SRCAP: variants seen among roughly 807,000 people sequenced by gnomAD.
SRCAP encodes Snf2 related CREBBP activator protein.
In SRCAP, 46 loss-of-function variants were observed where a neutral mutation model predicts 263.1. That is an observed-to-expected ratio of 0.17 (90% CI 0.14 to 0.22). The LOEUF (loss-of-function observed/expected upper bound fraction) is 0.22, where lower values mean the gene tolerates loss of function less well. Among genes scored for constraint, SRCAP ranks in the 10% least tolerant of loss-of-function variants. The probability of loss-of-function intolerance (pLI) is 1.00; values close to 1 mark genes in which losing one functional copy is unlikely to be tolerated. For synonymous variants in SRCAP, 1,813 were observed against 1,662.1 expected (o/e 1.09, Z -2.21); for missense variants, 3,695 against 4,181.9 (o/e 0.88, Z 3.21).
Position 30,733,321 on chromosome 16 carries a change from G to T in SRCAP, c.6169G>T (p.Ala2057Ser). The T allele has an allele frequency of 6.2e-7, 1 of 1,614,086 alleles. No homozygotes were observed. Among genetic ancestry groups the T allele is most frequent in the Non-Finnish European group, 8.5e-7 (1 of 1,180,012 alleles). ...GGCAGTGCTGTTGCGGCAGCTCAAG[G>T]CAGAGGGCCACCGAGTGCTCATCTT... ...TLAVLLRQLK[A>S]EGHRVLIFTQ... Residue 2057 changes from alanine to serine, a missense_variant, in exon 28 of 34, where the codon GCA becomes TCA. By Grantham distance (99) the Ala-to-Ser change is moderately conservative (BLOSUM62 1). Coordinates refer to ENST00000262518, the MANE Select transcript of SRCAP (RefSeq NM_006662.3). The surrounding 1 kb of genome is among the most constrained non-coding windows in gnomAD (Gnocchi z 5.3).
rs2053090611 is a variant in SRCAP at position 30,729,200 on chromosome 16, CG to C, written c.5894del (p.Arg1965HisfsTer2). The C allele has an allele frequency of 1.2e-6, 2 of 1,610,608 alleles. No individual in the cohort carries two copies. ...CCGGGCTGTACTGTTTCCCCAGCAGCGACTAGACCAGCTGTCAGAAATCATT... is the reference window on the plus strand; with the variant it reads ...CCGGGCTGTACTGTTTCCCCAGCAGCACTAGACCAGCTGTCAGAAATCATT... ...AHRAVLFPQQ[R>X]LDQLSEIIER... is the part of the protein sequence containing the mutation. On this transcript the variant is annotated frameshift_variant, in exon 26 of 34. Transcript: ENST00000262518. LOFTEE classifies it high-confidence loss of function.
intron 10 of SRCAP, 78 bp from the exon 11 acceptor site, chr16:30,711,493 T>G: frequency 7.0e-7 from 1 of 1,437,902 alleles, no homozygotes; most frequent in Non-Finnish European, 9.4e-7. Context: ...GAGACCTAGG[T>G]AAAATTAACT....
At chr16:30,718,990 G>A (rs1017475038) in intron 18 of SRCAP, among the ~76,000 whole-genome samples, 2 of 150,844 alleles carry the variant, frequency 1.3e-5, no homozygotes, top group Non-Finnish European at 2.9e-5. Context: ...TCTGCGTCTT[G>A]GGTTCAAGCG....
In SRCAP at chr16:30,737,956, G is replaced by A. The variant is rs994585619; in HGVS notation, c.7916G>A (p.Gly2639Asp). 5.6e-6 allele frequency: 9 copies of A among 1,614,062 alleles called. No homozygotes were observed. The highest frequency in any genetic ancestry group is 7.6e-6 in the Non-Finnish European group (9 of 1,180,050). The part of the protein sequence containing the change: ...EGTTLTVLPE[G>D]EELPLCVSES... ...ACCACCCTTACAGTGCTGCCTGAAG[G>A]TGAGGAGTTGCCCCTGTGTGTGAGT... is the stretch of plus-strand genomic sequence containing the variant. Residue 2639 changes from glycine to aspartate, a missense_variant, in exon 34 of 34, where the codon GGT (glycine) becomes GAT (aspartate). Gly to Asp is a moderately conservative substitution (Grantham distance 94). Coordinates refer to ENST00000262518, the MANE Select transcript of SRCAP (RefSeq NM_006662.3).
intron 25 of SRCAP, 98 bp downstream of exon 25, chr16:30,725,180 T>C: frequency 1.8e-5 from 27 of 1,504,036 alleles, no homozygotes; most frequent in Non-Finnish European, 2.3e-5. Flanking sequence ...CCTGGTGAAT[T>C]ACAAAGCTTA....
At chr16:30,720,420 G>A (rs2053000190) in intron 19 of SRCAP, 89 bp downstream of exon 19, 1 of 1,444,160 alleles carries the variant, frequency 6.9e-7, no homozygotes. Flanking sequence ...AAAAGAGTTG[G>A]ATGCAAGGCT....
intron 19 of SRCAP, 90 bp from the exon 20 acceptor site, chr16:30,720,623 G>A (rs2053001979): frequency 4.3e-6 from 6 of 1,389,200 alleles, no homozygotes; most frequent in Admixed American, 4.7e-5. Context: ...TTTATAATCT[G>A]TCTCTCTGTT....
chr16:30,733,619 C>T lies in SRCAP; in HGVS notation c.6315C>T (p.Phe2105=), dbSNP rs1306152216. 2 of 1,613,818 alleles carry T rather than the reference C, an allele frequency of 1.2e-6. No individual in the cohort carries two copies. The highest frequency in any genetic ancestry group is 1.3e-5 in the African/African-American group (1 of 75,012). The change falls in exon 29 of 34, where the codon TTC becomes TTT. Residue 2105 remains phenylalanine (F), a synonymous_variant. Coordinates refer to ENST00000262518, the MANE Select transcript of SRCAP (RefSeq NM_006662.3). The surrounding 1 kb of genome is among the most constrained non-coding windows in gnomAD (Gnocchi z 5.3). ...VEQRQALMER[F]NADKRIFCFI... ...CCTTCTAGGCCTTGATGGAACGGTTCAATGCAGACAAACGCATATTCTGCT... is the reference window on the plus strand; with the variant it reads ...CCTTCTAGGCCTTGATGGAACGGTTTAATGCAGACAAACGCATATTCTGCT...
chr16:30,733,533 C>A lies in SRCAP; in HGVS notation c.6298-69C>A. The A allele has an allele frequency of 6.2e-7, 1 of 1,604,654 alleles. No individual in the cohort carries two copies. Among genetic ancestry groups the A allele is most frequent in the Non-Finnish European group, 8.5e-7 (1 of 1,174,110 alleles). On this transcript the variant is annotated intron_variant, in intron 28 of 33. Coordinates refer to ENST00000262518, the MANE Select transcript of SRCAP (RefSeq NM_006662.3). This position sits in a 1 kb window ranked among gnomAD's most constrained non-coding sequence, Gnocchi z 5.3. The stretch of plus-strand genomic sequence containing the variant: ...GGATTTGGGCTTCCAGACGGGGTGC[C>A]ACTAAGCCTTTAGACCTGTTTTGGG...
In SRCAP at chr16:30,736,272, C is replaced by T; in HGVS notation, c.6802C>T (p.Leu2268Phe). ...GGCCAAGGCTGAACAGGTGGCTGAG[C>T]TTGCAGAATTTAATGAGAACGATGG... The part of the protein sequence containing the change: ...TQAKAEQVAE[L>F]AEFNENDGFP... The change falls in exon 32 of 34, where the codon CTT becomes TTT. Residue 2268 changes from leucine (L) to phenylalanine (F), a missense_variant. Around this residue, in one of 12 missense-constraint regions of SRCAP, gnomAD observed 91 missense variants for 150.6 expected, o/e 0.60. Transcript: ENST00000262518. 6.2e-7 allele frequency: 1 copy of T among 1,614,148 alleles called. No homozygotes were observed. Among genetic ancestry groups the T allele is most frequent in the Non-Finnish European group, 8.5e-7 (1 of 1,180,034 alleles).
In SRCAP at chr16:30,713,216, C is replaced by T; in HGVS notation, c.2139C>T (p.Thr713=). 3.7e-6 allele frequency: 6 copies of T among 1,614,046 alleles called. No individual in the cohort carries two copies. The highest frequency in any genetic ancestry group is 5.1e-6 in the Non-Finnish European group (6 of 1,180,022). Residue 713 remains threonine (T), a synonymous_variant, in exon 15 of 34, where the codon ACC becomes ACT. Transcript: ENST00000262518. The stretch of plus-strand genomic sequence containing the variant: ...TGTCTTTGATCCCTCAGGGCTGGAC[C>T]AAGCCCAATGCCTTTCATGTGTGTA... ...KERKLKRQGW[T]KPNAFHVCIT... is the part of the protein sequence containing the mutation.
At position 30,738,062 on chromosome 16, in the gene SRCAP, G is replaced by A. The variant is rs377316701; in HGVS notation, c.8022G>A (p.Ser2674=). ...LQEPLEADRT[S]EELTEAKTPT... Reference sequence around the variant, plus strand: ...AGCCACTGGAGGCTGACAGGACCTCGGAAGAGCTGACAGAGGCCAAGACCC... The same window carrying A: ...AGCCACTGGAGGCTGACAGGACCTCAGAAGAGCTGACAGAGGCCAAGACCC... The change falls in exon 34 of 34, where the codon TCG becomes TCA. Residue 2674 remains serine (S), a synonymous_variant. Transcript: ENST00000262518. 10 of 1,613,978 alleles carry A rather than the reference G, an allele frequency of 6.2e-6. No individual in the cohort carries two copies. The highest frequency in any genetic ancestry group is 1.6e-4 in the Middle Eastern group (1 of 6,084).
In SRCAP at chr16:30,728,997, G is replaced by A. The variant is rs771108308; in HGVS notation, c.5690G>A (p.Arg1897Gln). 6.8e-6 allele frequency: 11 copies of A among 1,613,828 alleles called. No homozygotes were observed. Among genetic ancestry groups the A allele is most frequent in the African/African-American group, 2.7e-5 (2 of 74,910 alleles). ...CTGGAGGAAAAGCGGAAGCGGCAGC[G>A]GTCTGAACGCCTGGAACGGATTTTC... Reference protein sequence around the residue: ...DSLEEKRKRQRSERLERIFQL... With the variant: ...DSLEEKRKRQQSERLERIFQL... Residue 1897 changes from arginine (R) to glutamine (Q), a missense_variant, in exon 26 of 34, where the codon CGG (arginine) becomes CAG (glutamine). Transcript: ENST00000262518.
intron 30 of SRCAP, 180 bp downstream of exon 30, chr16:30,734,188 C>CA: frequency 1.5e-6 from 1 of 650,830 alleles, no homozygotes; most frequent in East Asian, 2.9e-5. Context: ...ACTAAAAATA[C>CA]AAAAATTAGC....
chr16:30,712,202 T>C (rs549056921), intron 12 of SRCAP, 45 bp downstream of exon 12: 2 of 1,602,866 alleles, frequency 1.2e-6, no homozygotes, highest in Non-Finnish European at 1.7e-6. Context: ...CTTGACTTTC[T>C]CATGTCCCCA....
At position 30,738,865 on chromosome 16, in the gene SRCAP, C is replaced by T. The variant is rs1034534392; in HGVS notation, c.8825C>T (p.Pro2942Leu). The change falls in exon 34 of 34, where the codon CCC (proline) becomes CTC (leucine). Residue 2942 changes from proline (P) to leucine (L), a missense_variant. Physicochemically the swap from Pro to Leu is moderately conservative, Grantham distance 98. Coordinates refer to ENST00000262518, the MANE Select transcript of SRCAP (RefSeq NM_006662.3). ...SPVEKRRRGRPPKARDLPIPG... is the reference protein window; with the variant it reads ...SPVEKRRRGRLPKARDLPIPG... ...GTGGAGAAAAGAAGGCGAGGACGACCCCCTAAAGCACGAGATTTGCCCATC... is the reference window on the plus strand; with the variant it reads ...GTGGAGAAAAGAAGGCGAGGACGACTCCCTAAAGCACGAGATTTGCCCATC... 6.2e-7 allele frequency: 1 copy of T among 1,614,124 alleles called. No individual in the cohort carries two copies.
At position 30,700,758 on chromosome 16, in the gene SRCAP, C is replaced by A; in HGVS notation, c.-67C>A. The A allele has an allele frequency of 6.7e-7, 1 of 1,485,122 alleles. No homozygotes were observed. Among genetic ancestry groups the A allele is most frequent in the Non-Finnish European group, 9.4e-7 (1 of 1,069,262 alleles). 92.0% of individuals were successfully genotyped at this position (1,485,122 alleles called of 1,614,324 possible). On this transcript the variant is annotated 5_prime_UTR_variant, in exon 3 of 34. Coordinates refer to ENST00000262518, the MANE Select transcript of SRCAP (RefSeq NM_006662.3). ...TGCAGCCGGACGCCAGCCCCTCGGC[C>A]AGCAGTACTGGTGATAACAACCCAG...
chr16:30,738,128 T>A lies in SRCAP; in HGVS notation c.8088T>A (p.Ala2696=). ...AGAAGCCACAGGAACTCGTTACAGC[T>A]GAGGTTGCAGCTCCATCCACCTCAT... ...SPEKPQELVT[A]EVAAPSTSSS... is the part of the protein sequence containing the mutation. Residue 2696 remains alanine, a synonymous_variant, in exon 34 of 34, where the codon GCT becomes GCA. Transcript: ENST00000262518. The A allele has an allele frequency of 6.2e-7, 1 of 1,614,036 alleles. No individual in the cohort carries two copies. Among genetic ancestry groups the A allele is most frequent in the Non-Finnish European group, 8.5e-7 (1 of 1,179,998 alleles).
chr16:30,734,714 T>A, intron 31 of SRCAP, 99 bp downstream of exon 31: 1 of 1,539,922 alleles, frequency 6.5e-7, no homozygotes, highest in Non-Finnish European at 8.8e-7. Context: ...AAGAGATGTT[T>A]CTTCTGCTTC....
Sources: allele counts gnomAD v4.1 joint callset (sites outside exome capture counted in the v4.1 genomes callset), GRCh38; gene constraint gnomAD v4.1.1; regional missense constraint gnomAD v4.1.1; non-coding constraint Gnocchi (gnomAD v3.1); transcripts MANE v1.5; gene names NCBI Gene and HGNC (gene_info 2026-07-23, HGNC 2026-07-21).